Variants in PSMD14 observed in about 807,000 individuals in gnomAD.
The protein encoded by PSMD14 is ubiquitin C-terminal hydrolase PSMD14.
In PSMD14, 7 loss-of-function variants were observed where a neutral mutation model predicts 41.2. The observed-to-expected ratio is 0.17, with a 90% confidence interval of 0.10 to 0.32. The LOEUF (loss-of-function observed/expected upper bound fraction) is 0.32, where lower values mean the gene tolerates loss of function less well. Ranked by LOEUF, PSMD14 falls within the 10% of genes least tolerant of loss-of-function variation. The probability of loss-of-function intolerance (pLI) is 1.00; values close to 1 mark genes in which losing one functional copy is unlikely to be tolerated. For synonymous variants in PSMD14, 114 were observed against 122.3 expected, an observed-to-expected ratio of 0.93 and a Z score of 0.45; for missense variants, 139 against 375.6, an observed-to-expected ratio of 0.37 and a Z score of 5.21.
At chr2:161,398,738 AG>A (rs1683837002) in intron 10 of PSMD14, among the ~76,000 whole-genome samples, 1 of 152,068 alleles carries the variant, frequency 6.6e-6, no homozygotes, top group South Asian at 2.1e-4. Flanking sequence ...GTAACCTGAA[AG>A]AAAGTTTCAG....
intron 8 of PSMD14, among the ~76,000 whole-genome samples, chr2:161,389,822 C>G (rs924658511): frequency 3.7e-4 from 54 of 147,670 alleles, no homozygotes; most frequent in African/African-American, 1.3e-3. Context: ...AGATCCCCAT[C>G]TAGCCTTTTA....
At chr2:161,394,116 C>T (rs566905413) in intron 9 of PSMD14, among the ~76,000 whole-genome samples, 33 of 151,262 alleles carry the variant, frequency 2.2e-4, no homozygotes, top group African/African-American at 6.8e-4. Context: ...AGATTACAGG[C>T]GTCTGCCACC....
chr2:161,366,286 CAA>C (rs1683356823), intron 3 of PSMD14, among the ~76,000 whole-genome samples: 1 of 151,710 alleles, frequency 6.6e-6, no homozygotes, highest in African/African-American at 2.4e-5. Flanking sequence ...TAAATAAAAA[CAA>C]AATTATTTTA....
intron 1 of PSMD14, among the ~76,000 whole-genome samples, chr2:161,314,660 C>A (rs998164121): frequency 6.6e-6 from 1 of 152,188 alleles, no homozygotes; most frequent in African/African-American, 2.4e-5. Context: ...TGCCTGGCTT[C>A]TTTTACATAG....
At chr2:161,377,503 T>G (rs1683519272) in intron 7 of PSMD14, among the ~76,000 whole-genome samples, 1 of 151,914 alleles carries the variant, frequency 6.6e-6, no homozygotes, top group Admixed American at 6.6e-5. Flanking sequence ...GAATAACATG[T>G]AATAGTTTAT....
At chr2:161,342,456 T>G (rs777171129) in intron 3 of PSMD14, among the ~76,000 whole-genome samples, 2 of 152,188 alleles carry the variant, frequency 1.3e-5, no homozygotes, top group Non-Finnish European at 2.9e-5. Flanking sequence ...TAACAATTCT[T>G]TGCTCTGAAA....
chr2:161,361,602 A>C (rs1486271023), intron 3 of PSMD14, among the ~76,000 whole-genome samples: 3 of 152,224 alleles, frequency 2.0e-5, no homozygotes, highest in Non-Finnish European at 4.4e-5. Flanking sequence ...AAAATGCCAG[A>C]ACAATCTCAC....
At chr2:161,382,107 T>C (rs1683577558) in intron 7 of PSMD14, 1 of 151,852 alleles carries the variant, frequency 6.6e-6, no homozygotes, top group Admixed American at 6.6e-5. Context: ...TAACAGAAAG[T>C]GGTGTGTGAT....
intron 3 of PSMD14, among the ~76,000 whole-genome samples, chr2:161,341,828 TCTC>T (rs1246957648): frequency 1.4e-5 from 2 of 138,040 alleles, no homozygotes; most frequent in African/African-American, 5.5e-5. Flanking sequence ...ACAGAACAAG[TCTC>T]CTTCTCCAAA....
intron 3 of PSMD14, among the ~76,000 whole-genome samples, chr2:161,353,564 C>A (rs1683150442): frequency 6.6e-6 from 1 of 152,198 alleles, no homozygotes; most frequent in Non-Finnish European, 1.5e-5. Flanking sequence ...TTCCCTCCCT[C>A]CCCCTTTTCT....
chr2:161,324,219 C>T (rs1559038252), intron 3 of PSMD14, among the ~76,000 whole-genome samples: 3 of 152,106 alleles, frequency 2.0e-5, no homozygotes, highest in East Asian at 1.9e-4. Flanking sequence ...AATTCCAAGA[C>T]GAACAAGAAT....
chr2:161,355,944 TTA>T (rs1683190288), intron 3 of PSMD14, among the ~76,000 whole-genome samples: 1 of 152,188 alleles, frequency 6.6e-6, no homozygotes, highest in Non-Finnish European at 1.5e-5. Context: ...ACAAATTAGT[TTA>T]TATGTTTTTC....
chr2:161,390,886 A>G (rs750672223), intron 8 of PSMD14, among the ~76,000 whole-genome samples: 4 of 152,168 alleles, frequency 2.6e-5, no homozygotes, highest in Middle Eastern at 3.2e-3. Context: ...GTGCTCCTCC[A>G]TATCATGCTT....
intron 3 of PSMD14, among the ~76,000 whole-genome samples, chr2:161,319,229 T>C (rs547488084): frequency 6.6e-6 from 1 of 152,210 alleles, no homozygotes; most frequent in East Asian, 1.9e-4. Flanking sequence ...AGTAAGCATG[T>C]CATCCTGCTT....
chr2:161,313,550 A>G (rs998548618), intron 1 of PSMD14, among the ~76,000 whole-genome samples: 1 of 152,136 alleles, frequency 6.6e-6, no homozygotes, highest in Admixed American at 6.5e-5. Context: ...GGGTTTTGCC[A>G]TGTTGGCCAG....
chr2:161,409,318 G>C (rs1409104699), intron 11 of PSMD14, among the ~76,000 whole-genome samples: 7 of 152,062 alleles, frequency 4.6e-5, no homozygotes, highest in Non-Finnish European at 1.0e-4. Flanking sequence ...ACTGAGTGAA[G>C]AGAAAGGGCT....
At chr2:161,312,213 G>A (rs1466895340) in intron 1 of PSMD14, among the ~76,000 whole-genome samples, 2 of 151,038 alleles carry the variant, frequency 1.3e-5, no homozygotes, top group African/African-American at 4.9e-5. Flanking sequence ...GCGCGATCTC[G>A]GCTCACTGTA....
intron 3 of PSMD14, among the ~76,000 whole-genome samples, chr2:161,330,578 AT>A (rs1387406449): frequency 6.6e-6 from 1 of 152,144 alleles, no homozygotes; most frequent in African/African-American, 2.4e-5. Context: ...TATCAGATTC[AT>A]TTAAAACCCA....
At chr2:161,383,470 CATG>C (rs554971589) in intron 7 of PSMD14, 115 of 151,906 alleles carry the variant, frequency 7.6e-4, no homozygotes, top group African/African-American at 2.6e-3. Flanking sequence ...TTTAACAGAT[CATG>C]ATATCTACTG....
Sources: gnomAD v4.1 joint callset for allele counts (sites outside exome capture counted in the v4.1 genomes callset) on GRCh38, gnomAD v4.1.1 for gene constraint, MANE v1.5 for transcripts, NCBI Gene and HGNC (gene_info 2026-07-23, HGNC 2026-07-21) for gene names.